The following PPFIA2 variants were observed in gnomAD, a reference collection of about 807,000 sequenced individuals.
PPFIA2 encodes the protein PPFI scaffold protein A2.
A neutral mutation model predicts 175.5 loss-of-function variants in PPFIA2; 46 were observed. That is an observed-to-expected ratio of 0.26 (90% CI 0.21 to 0.34). The LOEUF (loss-of-function observed/expected upper bound fraction) is 0.34. PPFIA2 is among the 10% of genes least tolerant of loss of function. The pLI, the probability that PPFIA2 is intolerant of heterozygous loss-of-function variation, is 1.00. For missense variants in PPFIA2, 1,179 were observed against 1,506.1 expected (o/e 0.78, Z 3.60); for synonymous variants, 568 against 511.4 (o/e 1.11, Z -1.49).
intron 27 of PPFIA2, 85 bp downstream of exon 27, chr12:81,281,172 C>A: frequency 3.0e-6 from 3 of 1,004,274 alleles, no homozygotes; most frequent in Non-Finnish European, 4.2e-6. Context: ...GTCTTCTAGA[C>A]GTCCATTTTT....
intron 21 of PPFIA2, among the ~76,000 whole-genome samples, chr12:81,326,714 A>T (rs1347881664): frequency 6.6e-6 from 1 of 152,148 alleles, no homozygotes; most frequent in African/African-American, 2.4e-5. Context: ...TATCTGTTGT[A>T]ATTGAAAAAT....
chr12:81,517,586 G>A (rs1594353957), intron 4 of PPFIA2, among the ~76,000 whole-genome samples: 1 of 152,164 alleles, frequency 6.6e-6, no homozygotes, highest in Admixed American at 6.6e-5. Flanking sequence ...TCTGAGAAAG[G>A]TTAAGATTGA....
intron 17 of PPFIA2, among the ~76,000 whole-genome samples, chr12:81,352,755 C>T (rs1003935723): frequency 1.3e-5 from 2 of 152,044 alleles, no homozygotes; most frequent in Admixed American, 1.3e-4. Flanking sequence ...GAAGAATGTA[C>T]GTGATTACCA....
rs751547094 is a variant in PPFIA2 at position 81,281,403 on chromosome 12, C to T, written c.3066G>A (p.Glu1022=). ...TGGGAAGCCATTCATTTCCAATCCA[C>T]TCATGATTCATATCTCCATAAGCCA... is the stretch of plus-strand genomic sequence containing the variant. ...QTLAYGDMNH[E]WIGNEWLPSL... is the part of the protein sequence containing the mutation. Residue 1022 remains glutamate, a synonymous_variant, in exon 27 of 33, where the codon GAG becomes GAA. Coordinates refer to ENST00000549396, the MANE Select transcript of PPFIA2 (RefSeq NM_003625.5). The T allele has an allele frequency of 6.2e-7, 1 of 1,611,778 alleles. No homozygotes were observed. Among genetic ancestry groups the T allele is most frequent in the East Asian group, 2.2e-5 (1 of 44,770 alleles).
At chr12:81,540,968 A>G (rs1298301006) in intron 4 of PPFIA2, among the ~76,000 whole-genome samples, 1 of 152,056 alleles carries the variant, frequency 6.6e-6, no homozygotes, top group African/African-American at 2.4e-5. Flanking sequence ...CTCTTTCCCC[A>G]GGGGTGCCTG....
chr12:81,729,041 C>A (rs1368742997), intron 3 of PPFIA2, among the ~76,000 whole-genome samples: 1 of 151,458 alleles, frequency 6.6e-6, no homozygotes, highest in African/African-American at 2.4e-5. Context: ...AAGACACTTT[C>A]ATTACGAAAT....
chr12:81,678,009 C>T (rs1018457287), intron 3 of PPFIA2, among the ~76,000 whole-genome samples: 3 of 151,748 alleles, frequency 2.0e-5, no homozygotes, highest in African/African-American at 7.3e-5. Flanking sequence ...TAAACCGTCC[C>T]TCATCCCTCC....
At position 81,491,859 on chromosome 12, in the gene PPFIA2, T is replaced by G. The variant is rs11114882; in HGVS notation, c.304-33993A>C. On this transcript the variant is annotated intron_variant, in intron 4 of 32. Coordinates refer to ENST00000549396, the MANE Select transcript of PPFIA2 (RefSeq NM_003625.5). ...TCTAATACTTCTCTAAAAGGAACAC[T>G]CTGCTTCAGGGAAGAAAGAATGTTT... is the stretch of plus-strand genomic sequence containing the variant. Among the ~76,000 whole-genome samples the G allele has an allele frequency of 1.2e-3, 183 of 152,122 alleles. 1 individual carries two copies. The highest frequency in any genetic ancestry group is 4.2e-3 in the African/African-American group (175 of 41,528).
chr12:81,659,836 G>A (rs964968878), intron 4 of PPFIA2, among the ~76,000 whole-genome samples: 5 of 152,080 alleles, frequency 3.3e-5, no homozygotes, highest in Admixed American at 1.3e-4. Context: ...TCACACGGCC[G>A]GGTACCCCTC....
At chr12:81,386,897 A>G (rs1203769882) in intron 8 of PPFIA2, among the ~76,000 whole-genome samples, 2 of 152,152 alleles carry the variant, frequency 1.3e-5, no homozygotes, top group Non-Finnish European at 2.9e-5. Context: ...TTTTTTTAAT[A>G]TGCAATTTTG....
chr12:81,644,373 C>T (rs1243304470), intron 4 of PPFIA2, among the ~76,000 whole-genome samples: 1 of 151,816 alleles, frequency 6.6e-6, no homozygotes, highest in African/African-American at 2.4e-5. Flanking sequence ...AGTTTGGATT[C>T]CTTATTTTTA....
intron 7 of PPFIA2, among the ~76,000 whole-genome samples, chr12:81,431,738 C>T (rs965560779): frequency 2.0e-5 from 3 of 152,062 alleles, no homozygotes; most frequent in Non-Finnish European, 4.4e-5. Flanking sequence ...ACATTTCTTA[C>T]CTTTAACTTT....
intron 4 of PPFIA2, among the ~76,000 whole-genome samples, chr12:81,615,346 T>C (rs1363346278): frequency 6.6e-6 from 1 of 152,198 alleles, no homozygotes; most frequent in Non-Finnish European, 1.5e-5. Flanking sequence ...AATAGAGATG[T>C]CACATAGCCA....
intron 4 of PPFIA2, among the ~76,000 whole-genome samples, chr12:81,664,685 G>T (rs1247908292): frequency 2.6e-5 from 4 of 152,022 alleles, no homozygotes; most frequent in Non-Finnish European, 5.9e-5. Flanking sequence ...TCCCATTACT[G>T]GGTACATACC....
At chr12:81,634,609 G>T (rs946021685) in intron 4 of PPFIA2, among the ~76,000 whole-genome samples, 1 of 151,984 alleles carries the variant, frequency 6.6e-6, no homozygotes, top group East Asian at 1.9e-4. Context: ...GTGAAAAGTG[G>T]AATAATTTTT....
chr12:81,675,821 GCAGC>G (rs1316692706), intron 4 of PPFIA2, among the ~76,000 whole-genome samples: 1 of 152,000 alleles, frequency 6.6e-6, no homozygotes, highest in East Asian at 1.9e-4. Flanking sequence ...GCAGCTGTCT[GCAGC>G]CAATACATTT....
chr12:81,607,433 T>C (rs2060447021), intron 4 of PPFIA2, among the ~76,000 whole-genome samples: 1 of 152,136 alleles, frequency 6.6e-6, no homozygotes, highest in Non-Finnish European at 1.5e-5. Flanking sequence ...TCCATGAGAA[T>C]GGAATGTTTT....
intron 22 of PPFIA2, among the ~76,000 whole-genome samples, chr12:81,301,237 C>T (rs1224745618): frequency 2.0e-5 from 3 of 151,908 alleles, no homozygotes; most frequent in African/African-American, 7.3e-5. Flanking sequence ...GGTAGGCCTT[C>T]ACAGAGTTAA....
At chr12:81,638,531 A>T (rs1390497937) in intron 4 of PPFIA2, among the ~76,000 whole-genome samples, 1 of 152,002 alleles carries the variant, frequency 6.6e-6, no homozygotes, top group East Asian at 1.9e-4. Flanking sequence ...GATGAATCTT[A>T]AAGCAATGTT....
Sources: gnomAD v4.1 joint callset for allele counts (sites outside exome capture counted in the v4.1 genomes callset) on GRCh38, gnomAD v4.1.1 for gene constraint, MANE v1.5 for transcripts, NCBI Gene and HGNC (gene_info 2026-07-23, HGNC 2026-07-21) for gene names.